DUSP15: variants seen among roughly 807,000 people sequenced by gnomAD.
The protein encoded by DUSP15 is dual specificity phosphatase 15.
DUSP15 carries 23 observed loss-of-function variants against 26.3 expected under a neutral mutation model. The observed-to-expected ratio is 0.87, with a 90% CI of 0.63 to 1.24. The LOEUF (loss-of-function observed/expected upper bound fraction) is 1.24, where lower values mean the gene tolerates loss of function less well. DUSP15 is among the 50% of genes most tolerant of loss of function. DUSP15 has a pLI of 0.00. For missense variants in DUSP15, 364 were observed against 320.6 expected (o/e 1.14, Z -1.03); for synonymous variants, 143 against 135.5 (o/e 1.06, Z -0.39).
In DUSP15 at chr20:31,861,176, C is replaced by T; in HGVS notation, c.*227G>A. The T allele has an allele frequency of 7.5e-7, 1 of 1,340,676 alleles. No individual in the cohort carries two copies. The highest frequency in any genetic ancestry group is 9.5e-7 in the Non-Finnish European group (1 of 1,052,766). 83.0% of individuals were successfully genotyped at this position (1,340,676 alleles called of 1,614,324 possible). A position where few individuals can be genotyped will look rare whatever the true frequency, so the allele number is the denominator to read the frequency against. On this transcript the variant is annotated 3_prime_UTR_variant, in exon 7 of 7. Coordinates refer to ENST00000339738, the MANE Select transcript of DUSP15 (RefSeq NM_080611.5). ...TAAGGGTGGGCCCCCTCCCCCAGCC[C>T]AAGGACTAAGGCACCAGGTGGCTGC...
intron 2 of DUSP15, among the ~76,000 whole-genome samples, chr20:31,869,275 C>T (rs985107829): frequency 6.6e-6 from 1 of 152,192 alleles, no homozygotes; most frequent in African/African-American, 2.4e-5. Flanking sequence ...GGCCCCGAGC[C>T]CTTTGCTCTG....
Position 31,870,276 on chromosome 20 carries a change from G to A in DUSP15, c.21+41C>T. ...TGGTCAGCGCCGGGCCGCGGCGGCC[G>A]GGGCGGGGACCGGGGAGGCTGCGCG... On this transcript the variant is annotated intron_variant, in intron 1 of 6. Transcript: ENST00000339738. The surrounding 1 kb of genome is among the most constrained non-coding windows in gnomAD (Gnocchi z 6.6). 1 of 1,226,842 alleles carries A rather than the reference G, an allele frequency of 8.2e-7. No homozygotes were observed. Among genetic ancestry groups the A allele is most frequent in the South Asian group, 4.1e-5 (1 of 24,266 alleles). 76.0% of individuals were successfully genotyped at this position (1,226,842 alleles called of 1,614,324 possible).
chr20:31,858,467 G>A (rs1029455302), downstream of DUSP15, among the ~76,000 whole-genome samples: 4 of 152,232 alleles, frequency 2.6e-5, no homozygotes, highest in Non-Finnish European at 5.9e-5. This position sits in a 1 kb window ranked among gnomAD's most constrained non-coding sequence, Gnocchi z 4.4. Context: ...AGTCTGGGCA[G>A]GCAGGTCTCA....
chr20:31,856,818 G>A (rs564866552), downstream of DUSP15, among the ~76,000 whole-genome samples: 8 of 152,190 alleles, frequency 5.3e-5, no homozygotes, highest in African/African-American at 1.9e-4. Flanking sequence ...AGGTTCAGAA[G>A]TGAGTGCTGG....
intron 6 of DUSP15, 138 bp from the exon 7 acceptor site, chr20:31,861,813 G>C: frequency 1.5e-6 from 1 of 686,916 alleles, no homozygotes; most frequent in Non-Finnish European, 2.2e-6. Context: ...CTTCCTGAGC[G>C]TCTTCTTTGC....
chr20:31,848,937 A>C, intron 8 of DUSP15: 1 of 1,561,390 alleles, frequency 6.4e-7, no homozygotes. Flanking sequence ...CGACACTGAG[A>C]CTATAGGGAC....
chr20:31,846,627 C>G (rs1453057646), downstream of DUSP15, among the ~76,000 whole-genome samples: 1 of 152,154 alleles, frequency 6.6e-6, no homozygotes, highest in Non-Finnish European at 1.5e-5. Flanking sequence ...TGGGGCCACA[C>G]CACTCCTACC....
At chr20:31,861,040 C>G (rs1041346229), downstream of DUSP15, 7 of 1,073,042 alleles carry the variant, frequency 6.5e-6, no homozygotes, top group Non-Finnish European at 7.9e-6. Context: ...GCTGCCCCGC[C>G]TTTGTTGAAT....
intron 6 of DUSP15, among the ~76,000 whole-genome samples, chr20:31,854,315 T>A (rs1249674254): frequency 6.6e-6 from 1 of 152,210 alleles, no homozygotes; most frequent in Non-Finnish European, 1.5e-5. Flanking sequence ...TTGATTTTAT[T>A]GTCTGCAAAT....
chr20:31,849,782 G>T lies in DUSP15; in HGVS notation c.584C>A (p.Ala195Glu), dbSNP rs1277367023. The change falls in exon 8 of 10, where the codon GCG (alanine) becomes GAG (glutamate). Residue 195 changes from alanine (A) to glutamate (E), a missense_variant. Ala to Glu is a moderately radical substitution (Grantham distance 107, BLOSUM62 -1). Coordinates refer to the DUSP15 transcript ENST00000278979. The stretch of plus-strand genomic sequence containing the variant: ...CGGCCCCAGCAGGCGCTCGGCGGCC[G>T]CCCGCGGACTCAGACGACAGCGCTG... 5.2e-6 allele frequency: 8 copies of T among 1,539,342 alleles called. 1 individual carries two copies. The East Asian group carries it at 1.9e-4, about 37-fold the overall frequency.
chr20:31,865,756 G>C (rs2062752202), intron 3 of DUSP15, among the ~76,000 whole-genome samples: 1 of 152,084 alleles, frequency 6.6e-6, no homozygotes, highest in Admixed American at 6.6e-5. Flanking sequence ...CTGCATCTTT[G>C]GCAAGGTTTG....
At chr20:31,851,115 C>T (rs1290274084) in intron 6 of DUSP15, among the ~76,000 whole-genome samples, 1 of 152,180 alleles carries the variant, frequency 6.6e-6, no homozygotes, top group African/African-American at 2.4e-5. Flanking sequence ...TTTCAGAGCT[C>T]AAACTCCCCC....
chr20:31,870,590 G>A, upstream of DUSP15: 1 of 1,414,540 alleles, frequency 7.1e-7, no homozygotes, highest in Non-Finnish European at 9.2e-7. This position sits in a 1 kb window ranked among gnomAD's most constrained non-coding sequence, Gnocchi z 6.6. Context: ...TCGGTCATGT[G>A]GGGCCCCCGC....
At chr20:31,851,340 G>A (rs1187627117) in intron 6 of DUSP15, among the ~76,000 whole-genome samples, 1 of 151,980 alleles carries the variant, frequency 6.6e-6, no homozygotes, top group African/African-American at 2.4e-5. Context: ...AGGTGATGGG[G>A]TGGAGATAAT....
downstream of DUSP15, among the ~76,000 whole-genome samples, chr20:31,857,762 A>T (rs2062585126): frequency 1.3e-5 from 2 of 152,162 alleles, no homozygotes; most frequent in African/African-American, 2.4e-5. Flanking sequence ...AGTTTGGAAG[A>T]AGTTAATGAT....
At chr20:31,860,235 C>T (rs1056075280), downstream of DUSP15, among the ~76,000 whole-genome samples, 1 of 152,176 alleles carries the variant, frequency 6.6e-6, no homozygotes, top group Non-Finnish European at 1.5e-5. Context: ...GTTATTTTGT[C>T]CATCCTCCAA....
intron 9 of DUSP15, chr20:31,848,599 C>T (rs756704016): frequency 1.3e-6 from 2 of 1,528,008 alleles, no homozygotes; most frequent in Non-Finnish European, 1.8e-6. Flanking sequence ...AGCAGACCCT[C>T]TCCATTTCCC....
intron 2 of DUSP15, among the ~76,000 whole-genome samples, chr20:31,867,746 G>A (rs943947239): frequency 4.3e-5 from 6 of 138,972 alleles, no homozygotes; most frequent in East Asian, 2.2e-4. Context: ...CCGGGTTCAC[G>A]CCATTCTCCT....
intron 6 of DUSP15, among the ~76,000 whole-genome samples, chr20:31,851,007 A>C (rs1449722999): frequency 6.6e-6 from 1 of 152,242 alleles, no homozygotes; most frequent in African/African-American, 2.4e-5. Flanking sequence ...ACTGAAGGCC[A>C]GCTGGGGTTG....
Sources: gnomAD v4.1 joint callset for allele counts (sites outside exome capture counted in the v4.1 genomes callset) on GRCh38, gnomAD v4.1.1 for gene constraint, Gnocchi (gnomAD v3.1) non-coding constraint, MANE v1.5 for transcripts, NCBI Gene and HGNC (gene_info 2026-07-23, HGNC 2026-07-21) for gene names.